The following GTF2IRD1 variants were observed in gnomAD, a reference collection of about 807,000 sequenced individuals.
GTF2IRD1 encodes GTF2I repeat domain containing 1, also known as general transcription factor II-I repeat domain-containing protein 1.
In GTF2IRD1, 26 loss-of-function variants were observed where a neutral mutation model predicts 113.2. The ratio of observed to expected loss-of-function variants is 0.23; its 90% CI spans 0.17 to 0.32. The LOEUF (loss-of-function observed/expected upper bound fraction) is 0.32. Among genes scored for constraint, GTF2IRD1 ranks in the 10% least tolerant of loss-of-function variants. The pLI is 1.00. For missense variants in GTF2IRD1, 864 were observed against 1,280.8 expected, an observed-to-expected ratio of 0.67 and a Z score of 4.97; for synonymous variants, 484 against 529.1, an observed-to-expected ratio of 0.91 and a Z score of 1.17.
In GTF2IRD1 at chr7:74,589,882, G is replaced by C; in HGVS notation, c.2352G>C (p.Lys784Asn). 6.2e-7 allele frequency: 1 copy of C among 1,612,684 alleles called. No individual in the cohort carries two copies. Among genetic ancestry groups the C allele is most frequent in the Non-Finnish European group, 8.5e-7 (1 of 1,178,776 alleles). Residue 784 changes from lysine to asparagine, a missense_variant, in exon 23 of 27, where the codon AAG becomes AAC. Physicochemically the swap from Lys to Asn is moderately conservative, Grantham distance 94. This residue lies in a region of GTF2IRD1 where 195 missense variants were observed against 359.1 expected (regional missense o/e 0.54). Transcript: ENST00000424337. ...ATGACGCCAACAGACTCGGGGAGAAGGTGATCCTGCGGGAGCAGGTGAAGG... is the reference window on the plus strand; with the variant it reads ...ATGACGCCAACAGACTCGGGGAGAACGTGATCCTGCGGGAGCAGGTGAAGG... ...DEDDANRLGE[K>N]VILREQVKEL...
chr7:74,593,971 G>A (rs1554371076), intron 24 of GTF2IRD1, among the ~76,000 whole-genome samples: 4 of 151,782 alleles, frequency 2.6e-5, no homozygotes, highest in East Asian at 3.9e-4. Flanking sequence ...AGGCCAAGGC[G>A]GGCAGTTCAC....
intron 16 of GTF2IRD1, among the ~76,000 whole-genome samples, chr7:74,546,656 C>T (rs1319340668): frequency 6.6e-6 from 1 of 152,190 alleles, no homozygotes; most frequent in Non-Finnish European, 1.5e-5. Context: ...AGATCGGGTT[C>T]GTTCCAAGGC....
At chr7:74,478,264 G>A (rs1794539203) in intron 1 of GTF2IRD1, among the ~76,000 whole-genome samples, 1 of 152,210 alleles carries the variant, frequency 6.6e-6, no homozygotes, top group South Asian at 2.1e-4. Context: ...GTGGACAGCA[G>A]CTCGGCGGGT....
At chr7:74,583,084 C>T (rs782680165) in intron 22 of GTF2IRD1, among the ~76,000 whole-genome samples, 1 of 152,228 alleles carries the variant, frequency 6.6e-6, no homozygotes, top group South Asian at 2.1e-4. Context: ...TCTTCCTGAG[C>T]TTGATGTTGA....
At chr7:74,472,305 G>C (rs1794161815) in intron 1 of GTF2IRD1, among the ~76,000 whole-genome samples, 1 of 152,200 alleles carries the variant, frequency 6.6e-6, no homozygotes. Flanking sequence ...GGTTTCCCGA[G>C]CTTCTTGGAT....
chr7:74,591,164 C>T, intron 24 of GTF2IRD1, 147 bp downstream of exon 24: 2 of 444,454 alleles, frequency 4.5e-6, no homozygotes, highest in Non-Finnish European at 7.9e-6. Context: ...ACAACTTCAA[C>T]AGTCATGGAC....
At chr7:74,496,357 GGTGCATGTGT>G (rs1795688653) in intron 1 of GTF2IRD1, among the ~76,000 whole-genome samples, 3 of 141,158 alleles carry the variant, frequency 2.1e-5, no homozygotes, top group South Asian at 2.4e-4. Context: ...TGTGTGTGTG[GGTGCATGTGT>G]GTGTGCATAT....
chr7:74,568,355 AG>A (rs1311009708), intron 22 of GTF2IRD1, among the ~76,000 whole-genome samples: 5 of 149,284 alleles, frequency 3.3e-5, no homozygotes, highest in East Asian at 4.0e-4. Flanking sequence ...AAAAAAAAAA[AG>A]AAGGAGAAAG....
chr7:74,578,778 T>C (rs782695670), intron 22 of GTF2IRD1, among the ~76,000 whole-genome samples: 11 of 152,104 alleles, frequency 7.2e-5, no homozygotes, highest in Admixed American at 1.3e-4. Flanking sequence ...GGAGGATCCC[T>C]TGAGCTCAGG....
intron 1 of GTF2IRD1, among the ~76,000 whole-genome samples, chr7:74,478,673 C>T (rs1379024287): frequency 6.6e-6 from 1 of 151,964 alleles, no homozygotes; most frequent in Non-Finnish European, 1.5e-5. Flanking sequence ...CCAGGCTGGT[C>T]TCAAACTCCT....
At position 74,495,891 on chromosome 7, in the gene GTF2IRD1, G is replaced by A. The variant is rs116858338; in HGVS notation, c.-6-12184G>A. ...CCTGATGGGACAGTGAGCCTTTGGAGGGTGAGGTCATGCCCTGCGCGTCTC... is the reference window on the plus strand; with the variant it reads ...CCTGATGGGACAGTGAGCCTTTGGAAGGTGAGGTCATGCCCTGCGCGTCTC... On this transcript the variant is annotated intron_variant, in intron 1 of 26. Coordinates refer to ENST00000424337, the MANE Select transcript of GTF2IRD1 (RefSeq NM_005685.4). Among the ~76,000 whole-genome samples the A allele has an allele frequency of 1.5e-3, 222 of 152,304 alleles. 6 individuals carry two copies. In the East Asian group the frequency reaches 0.039, roughly 27 times the overall value.
intron 1 of GTF2IRD1, among the ~76,000 whole-genome samples, chr7:74,461,276 G>A (rs1373591061): frequency 6.6e-6 from 1 of 152,140 alleles, no homozygotes; most frequent in Admixed American, 6.5e-5. Context: ...GGTAAGCAGG[G>A]GGCAGCTTAG....
intron 1 of GTF2IRD1, among the ~76,000 whole-genome samples, chr7:74,505,639 T>A (rs936309605): frequency 6.6e-6 from 1 of 152,198 alleles, no homozygotes; most frequent in Admixed American, 6.5e-5. Flanking sequence ...TTGCCCTGAT[T>A]CGATTTGGGC....
Position 74,573,208 on chromosome 7 carries a change from G to A in GTF2IRD1, c.2320+13553G>A, listed in dbSNP as rs1800798915. On this transcript the variant is annotated intron_variant, in intron 22 of 26. Transcript: ENST00000424337. ...GATTGCTTGAGCAATCCTGGAGTTC[G>A]AGACCAGCCTGGGCAACATGGCAAA... Among the ~76,000 whole-genome samples, 4 of 152,016 alleles carry A rather than the reference G, an allele frequency of 2.6e-5. 1 individual carries two copies. Among genetic ancestry groups the A allele is most frequent in the South Asian group, 2.1e-4 (1 of 4,820 alleles).
At chr7:74,568,690 G>T (rs1384591780) in intron 22 of GTF2IRD1, among the ~76,000 whole-genome samples, 1 of 152,146 alleles carries the variant, frequency 6.6e-6, no homozygotes, top group Non-Finnish European at 1.5e-5. Context: ...AAACAGGATG[G>T]GTGGAAGAGG....
intron 1 of GTF2IRD1, among the ~76,000 whole-genome samples, chr7:74,503,744 C>G (rs1466971021): frequency 6.6e-6 from 1 of 152,122 alleles, no homozygotes; most frequent in Non-Finnish European, 1.5e-5. Flanking sequence ...GAGACTGTCT[C>G]AAAAATAATA....
At chr7:74,462,627 C>A (rs1554329642) in intron 1 of GTF2IRD1, among the ~76,000 whole-genome samples, 1 of 152,146 alleles carries the variant, frequency 6.6e-6, no homozygotes, top group African/African-American at 2.4e-5. Context: ...CAGCTCGGGA[C>A]CCCCCAGAAG....
At chr7:74,569,009 G>A (rs28673430) in intron 22 of GTF2IRD1, among the ~76,000 whole-genome samples, 39,199 of 152,108 alleles carry the variant, frequency 0.26, 5,321 homozygotes, top group East Asian at 0.42. Flanking sequence ...GAAATAAGAC[G>A]GGAGCAGGGT....
intron 10 of GTF2IRD1, 99 bp from the exon 11 acceptor site, chr7:74,536,068 G>A (rs73135382): frequency 7.8e-6 from 6 of 766,310 alleles, no homozygotes; most frequent in South Asian, 3.2e-5. Context: ...CCCTATCCCC[G>A]GGATTCCCCC....
Sources: gnomAD v4.1 joint callset for allele counts (sites outside exome capture counted in the v4.1 genomes callset) on GRCh38, gnomAD v4.1.1 for gene constraint, gnomAD v4.1.1 regional missense constraint, MANE v1.5 for transcripts, NCBI Gene and HGNC (gene_info 2026-07-23, HGNC 2026-07-21) for gene names.